Variants in HIVEP3 observed in about 807,000 individuals in gnomAD.
The protein encoded by HIVEP3 is HIVEP zinc finger 3, also known as transcription factor HIVEP3.
HIVEP3 carries 49 observed loss-of-function variants against 152.8 expected under a neutral mutation model. The observed-to-expected ratio is 0.32, with a 90% confidence interval of 0.26 to 0.41. The LOEUF is 0.41. Among genes scored for constraint, HIVEP3 ranks in the 10% least tolerant of loss-of-function variants. The probability of loss-of-function intolerance (pLI) is 1.00; values close to 1 mark genes in which losing one functional copy is unlikely to be tolerated. For synonymous variants in HIVEP3, 1,269 were observed against 1,289.0 expected, an observed-to-expected ratio of 0.98 and a Z score of 0.33; for missense variants, 2,790 against 3,103.3, an observed-to-expected ratio of 0.90 and a Z score of 2.40.
At chr1:41,638,798 G>A (rs965895622) in intron 2 of HIVEP3, among the ~76,000 whole-genome samples, 11 of 152,198 alleles carry the variant, frequency 7.2e-5, no homozygotes, top group African/African-American at 1.2e-4. Flanking sequence ...GGTAGGGGCC[G>A]CATCCGGTCT....
intron 2 of HIVEP3, among the ~76,000 whole-genome samples, chr1:41,658,984 A>G (rs1234286406): frequency 1.3e-5 from 2 of 152,158 alleles, no homozygotes; most frequent in Non-Finnish European, 1.5e-5. Context: ...ACAGATCTAG[A>G]GGGCAGCCCC....
chr1:41,928,005 C>G (rs1262410642), intron 1 of HIVEP3, among the ~76,000 whole-genome samples: 3 of 138,172 alleles, frequency 2.2e-5, no homozygotes, highest in African/African-American at 8.2e-5. Flanking sequence ...AGGTTGCAGT[C>G]AGCCGAGATT....
Position 41,628,747 on chromosome 1 carries a change from A to G in HIVEP3, c.-522+2T>C. 8.1e-7 allele frequency: 1 copy of G among 1,232,096 alleles called. No individual in the cohort carries two copies. Among genetic ancestry groups the G allele is most frequent in the Non-Finnish European group, 1.0e-6 (1 of 987,912 alleles). 76.3% of individuals were successfully genotyped at this position (1,232,096 alleles called of 1,614,324 possible). On this transcript the variant is annotated splice_donor_variant, in intron 3 of 8. Coordinates refer to ENST00000372583, the MANE Select transcript of HIVEP3 (RefSeq NM_024503.5). LOFTEE classifies it low-confidence loss of function (5UTR_SPLICE). ...TATTCAGCAACAGCCCCCATTTCCT[A>G]CCTGTGCTGAAGGCACCACTTCCGA...
At chr1:41,801,972 C>G (rs540086072) in intron 1 of HIVEP3, among the ~76,000 whole-genome samples, 1 of 152,248 alleles carries the variant, frequency 6.6e-6, no homozygotes, top group Admixed American at 6.5e-5. Context: ...GCCCACAGGT[C>G]CTACTGGGAC....
intron 2 of HIVEP3, among the ~76,000 whole-genome samples, chr1:41,657,757 T>C (rs1645651185): frequency 6.6e-6 from 1 of 152,206 alleles, no homozygotes. Flanking sequence ...GGCACAGGGC[T>C]AGAAAGCAGG....
rs201845023 is a variant in HIVEP3, at chr1:41,584,548, G to A, written c.250C>T (p.Pro84Ser). ...TGQQQKPPKR[P>S]PIEASVHISQ... ...ATGTGGACGGATGCTTCGATGGGGGGCCTTTTGGGGGGCTTCTGCTGCTGG... is the reference window on the plus strand; with the variant it reads ...ATGTGGACGGATGCTTCGATGGGGGACCTTTTGGGGGGCTTCTGCTGCTGG... Residue 84 changes from proline to serine, a missense_variant, in exon 4 of 9, where the codon CCC becomes TCC. This residue lies in a region of HIVEP3 where 209 missense variants were observed against 237.0 expected (regional missense o/e 0.88). Transcript: ENST00000372583. The surrounding 1 kb of genome is among the most constrained non-coding windows in gnomAD (Gnocchi z 5.2). 1.3e-4 allele frequency: 210 copies of A among 1,613,990 alleles called. No individual in the cohort carries two copies. The highest frequency in any genetic ancestry group is 1.8e-4 in the Admixed American group (11 of 59,998).
Position 41,628,827 on chromosome 1 carries a change from A to G in HIVEP3, c.-600T>C, listed in dbSNP as rs2038976. 0.6 allele frequency: 740,448 copies of G among 1,231,540 alleles called. 225,187 individuals carry two copies. The highest frequency in any genetic ancestry group is 0.81 in the African/African-American group (51,913 of 64,384). 76.3% of individuals were successfully genotyped at this position (1,231,540 alleles called of 1,614,324 possible). A position where few individuals can be genotyped will look rare whatever the true frequency, so the allele number is the denominator to read the frequency against. ...AAAGCCAGCATTCATGTCCACTCCT[A>G]CGGCAGCCACCCTCCACCTAGGCGC... On this transcript the variant is annotated 5_prime_UTR_variant, in exon 3 of 9. Transcript: ENST00000372583.
rs534870020 is a variant in HIVEP3 at position 42,026,243 on chromosome 1, T to C, written n.119+9564A>G. Among the ~76,000 whole-genome samples the C allele has an allele frequency of 1.9e-4, 29 of 152,300 alleles. No individual in the cohort carries two copies. In the South Asian group the frequency reaches 6.0e-3, roughly 32 times the overall value. On this transcript the variant is annotated intron_variant and non_coding_transcript_variant, in intron 1 of 3. Transcript: ENST00000489103. Reference sequence around the variant, plus strand: ...TCCCCTGAATAAATCCAGCTTTATATGGAGATGGTCTCCTATGAGACTCTC... The same window carrying C: ...TCCCCTGAATAAATCCAGCTTTATACGGAGATGGTCTCCTATGAGACTCTC...
chr1:41,950,531 A>G (rs1645100652), intron 1 of HIVEP3, among the ~76,000 whole-genome samples: 1 of 152,210 alleles, frequency 6.6e-6, no homozygotes, highest in South Asian at 2.1e-4. Context: ...TGGATCCATA[A>G]TAATTGCATT....
chr1:41,979,161 G>A (rs1031252913), intron 1 of HIVEP3, among the ~76,000 whole-genome samples: 3 of 152,046 alleles, frequency 2.0e-5, no homozygotes, highest in African/African-American at 7.2e-5. Context: ...AAATTCTAGG[G>A]ACCCAGCCCA....
At chr1:41,901,893 T>C (rs1449722679) in intron 1 of HIVEP3, among the ~76,000 whole-genome samples, 1 of 152,200 alleles carries the variant, frequency 6.6e-6, no homozygotes, top group Non-Finnish European at 1.5e-5. Context: ...CTTCTTCCCT[T>C]AAGGTCTGTT....
chr1:41,753,152 G>A (rs1310679914), intron 1 of HIVEP3, among the ~76,000 whole-genome samples: 1 of 152,186 alleles, frequency 6.6e-6, no homozygotes, highest in African/African-American at 2.4e-5. Flanking sequence ...CAGCATTGGT[G>A]GGAGTGTAGG....
At chr1:41,908,663 A>T (rs187289520) in intron 1 of HIVEP3, among the ~76,000 whole-genome samples, 79 of 152,348 alleles carry the variant, frequency 5.2e-4, no homozygotes, top group Non-Finnish European at 7.9e-4. Flanking sequence ...ATATATAGCC[A>T]ACTCTACTGA....
chr1:41,945,129 A>T (rs901100098), intron 1 of HIVEP3, among the ~76,000 whole-genome samples: 10 of 152,194 alleles, frequency 6.6e-5, no homozygotes, highest in African/African-American at 2.2e-4. Flanking sequence ...TTATGTAAAA[A>T]GTGTGATTTA....
chr1:41,805,916 TCTC>T (rs1042694089), intron 1 of HIVEP3, among the ~76,000 whole-genome samples: 5 of 151,990 alleles, frequency 3.3e-5, no homozygotes, highest in African/African-American at 9.7e-5. Flanking sequence ...CGCACACACA[TCTC>T]CTCTGTAAAG....
chr1:41,955,688 C>G (rs1645136751), intron 1 of HIVEP3, among the ~76,000 whole-genome samples: 1 of 152,192 alleles, frequency 6.6e-6, no homozygotes, highest in Non-Finnish European at 1.5e-5. Context: ...TTTTTGTTCT[C>G]TCATTTTTGT....
intron 5 of HIVEP3, among the ~76,000 whole-genome samples, chr1:41,526,195 C>T (rs1016582418): frequency 1.5e-4 from 23 of 151,780 alleles, no homozygotes; most frequent in African/African-American, 5.6e-4. Context: ...AGGGAGAGAG[C>T]CCGCTGGCAG....
At chr1:41,534,264 A>G (rs1643342496) in intron 5 of HIVEP3, among the ~76,000 whole-genome samples, 4 of 152,072 alleles carry the variant, frequency 2.6e-5, no homozygotes, top group Admixed American at 2.6e-4. Flanking sequence ...GAAGCCCTGC[A>G]TTCCTTGGCA....
In HIVEP3 at chr1:41,779,211, G is replaced by A. The variant is rs867808891; in HGVS notation, c.-800-78216C>T. Among the ~76,000 whole-genome samples the A allele has an allele frequency of 1.8e-3, 274 of 152,144 alleles. 1 individual carries two copies. Among genetic ancestry groups the A allele is most frequent in the Middle Eastern group, 6.8e-3 (2 of 294 alleles). On this transcript the variant is annotated intron_variant, in intron 1 of 8. Coordinates refer to ENST00000372583, the MANE Select transcript of HIVEP3 (RefSeq NM_024503.5). ...ATCTCTCTGTTCTCCACCTCTGCAC[G>A]CTCTCCTTGCACCAATGAGAGGTGT...
Sources: gnomAD v4.1 joint callset for allele counts (sites outside exome capture counted in the v4.1 genomes callset) on GRCh38, gnomAD v4.1.1 for gene constraint, gnomAD v4.1.1 regional missense constraint, Gnocchi (gnomAD v3.1) non-coding constraint, MANE v1.5 for transcripts, NCBI Gene and HGNC (gene_info 2026-07-23, HGNC 2026-07-21) for gene names.